Variants in PREX2 observed in about 807,000 individuals in gnomAD.
PREX2 encodes phosphatidylinositol 3,4,5-trisphosphate-dependent Rac exchanger 2 protein.
A neutral mutation model predicts 203.2 loss-of-function variants in PREX2; 107 were observed. The observed-to-expected ratio is 0.53, with a 90% CI of 0.45 to 0.62. The LOEUF is 0.62. Among genes scored for constraint, PREX2 ranks in the 20% least tolerant of loss-of-function variants. The pLI is 0.00. For missense variants in PREX2, 1,777 were observed against 1,955.9 expected (o/e 0.91, Z 1.72); for synonymous variants, 672 against 663.6 (o/e 1.01, Z -0.19).
chr8:68,119,450 G>A lies in PREX2; in HGVS notation c.3440G>A (p.Ser1147Asn), dbSNP rs755543355. 1.9e-6 allele frequency: 3 copies of A among 1,613,558 alleles called. No individual in the cohort carries two copies. Among genetic ancestry groups the A allele is most frequent in the East Asian group, 2.2e-5 (1 of 44,862 alleles). ...CATCTAGGTGATGAACTTCCCTTAA[G>A]TGTTCGCATATCTCATGATAAACAG... is the stretch of plus-strand genomic sequence containing the variant. ...EMDSGDELPL[S>N]VRISHDKQDK... The change falls in exon 28 of 40, where the codon AGT becomes AAT. Residue 1147 changes from serine (S) to asparagine (N), a missense_variant. Ser to Asn is a conservative substitution (Grantham distance 46). Coordinates refer to ENST00000288368, the MANE Select transcript of PREX2 (RefSeq NM_024870.4).
chr8:68,006,738 C>T (rs950110775), intron 1 of PREX2, among the ~76,000 whole-genome samples: 2 of 152,210 alleles, frequency 1.3e-5, no homozygotes, highest in Admixed American at 6.5e-5. Context: ...CACACCCAGC[C>T]TAGGACAGTT....
chr8:68,101,992 A>G (rs753857932), intron 23 of PREX2, among the ~76,000 whole-genome samples: 4 of 152,338 alleles, frequency 2.6e-5, no homozygotes, highest in East Asian at 1.9e-4. Flanking sequence ...GAGATCCTCA[A>G]TAGTCACCTT....
At position 68,232,533 on chromosome 8, in the gene PREX2, C is replaced by G. The variant is rs1221244701; in HGVS notation, c.*1155C>G. 6.6e-6 allele frequency: 1 copy of G among 152,080 alleles called. No individual in the cohort carries two copies. Among genetic ancestry groups the G allele is most frequent in the Non-Finnish European group, 1.5e-5 (1 of 68,026 alleles). The allele number at this position is 152,080 out of a possible 1,614,324, so 9.4% of individuals were successfully genotyped here. On this transcript the variant is annotated 3_prime_UTR_variant, in exon 40 of 40. Coordinates refer to ENST00000288368, the MANE Select transcript of PREX2 (RefSeq NM_024870.4). ...AAATCCATAATTTTCAAACAAAACA[C>G]TCATGATTGTGATAATTATATGGGT...
intron 23 of PREX2, among the ~76,000 whole-genome samples, chr8:68,101,237 A>G (rs549905389): frequency 7.6e-4 from 116 of 152,294 alleles, no homozygotes; most frequent in South Asian, 2.7e-3. Context: ...CTGCATGAGA[A>G]TAGGGATGTG....
At chr8:67,968,288 TC>T (rs1441104066) in intron 1 of PREX2, among the ~76,000 whole-genome samples, 1 of 152,110 alleles carries the variant, frequency 6.6e-6, no homozygotes, top group African/African-American at 2.4e-5. Context: ...CTCCTTAGCA[TC>T]CTGGAACGTC....
At chr8:68,151,188 A>G (rs868259674) in intron 34 of PREX2, among the ~76,000 whole-genome samples, 3 of 152,160 alleles carry the variant, frequency 2.0e-5, no homozygotes, top group African/African-American at 4.8e-5. Flanking sequence ...TCTGAGGCCA[A>G]GATGGAAGGA....
chr8:68,095,985 G>A (rs1431895120), intron 21 of PREX2, among the ~76,000 whole-genome samples: 2 of 152,080 alleles, frequency 1.3e-5, no homozygotes, highest in Non-Finnish European at 2.9e-5. Flanking sequence ...GATCGTATGG[G>A]GGGTACTTAG....
intron 31 of PREX2, among the ~76,000 whole-genome samples, chr8:68,128,539 T>C (rs1295562355): frequency 6.6e-6 from 1 of 152,138 alleles, no homozygotes; most frequent in African/African-American, 2.4e-5. Flanking sequence ...ACAGGTGATC[T>C]AGGGTGGCCT....
intron 34 of PREX2, 55 bp downstream of exon 34, chr8:68,146,407 A>G (rs1366298296): frequency 7.3e-7 from 1 of 1,378,006 alleles, no homozygotes; most frequent in South Asian, 1.4e-5. Context: ...ATCTTTATTA[A>G]TGCTTTTATA....
At chr8:68,208,359 G>C (rs372718056) in intron 37 of PREX2, among the ~76,000 whole-genome samples, 2 of 151,590 alleles carry the variant, frequency 1.3e-5, no homozygotes, top group East Asian at 3.9e-4. Context: ...CATAAATCAC[G>C]AAACAAAGAT....
At chr8:68,181,974 C>T (rs1038506346) in intron 35 of PREX2, among the ~76,000 whole-genome samples, 3 of 151,876 alleles carry the variant, frequency 2.0e-5, no homozygotes, top group African/African-American at 7.3e-5. Context: ...AAGGGATGTG[C>T]CAGGTGCTGG....
chr8:68,190,265 C>A (rs1351255924), intron 35 of PREX2, among the ~76,000 whole-genome samples: 2 of 151,930 alleles, frequency 1.3e-5, no homozygotes, highest in East Asian at 3.9e-4. Context: ...TTATTTTGTT[C>A]CACCGACATT....
At chr8:68,216,467 T>C (rs915030369) in intron 37 of PREX2, among the ~76,000 whole-genome samples, 1 of 152,190 alleles carries the variant, frequency 6.6e-6, no homozygotes, top group African/African-American at 2.4e-5. Context: ...AATCCATTAA[T>C]ACAATTTTAG....
In PREX2 at chr8:68,014,915, G is replaced by C. The variant is rs756842876; in HGVS notation, c.142-2931G>C. Among the ~76,000 whole-genome samples, 52 of 152,118 alleles carry C rather than the reference G, an allele frequency of 3.4e-4. 1 individual carries two copies. The highest frequency in any genetic ancestry group is 4.6e-4 in the Admixed American group (7 of 15,276). On this transcript the variant is annotated intron_variant, in intron 1 of 39. Transcript: ENST00000288368. The stretch of plus-strand genomic sequence containing the variant: ...CCTCTGGGGATAGGAATCTGCATTT[G>C]GAAGTAACTCTCCAAGTCTTAAACA...
intron 24 of PREX2, chr8:68,109,058 G>A (rs1810478553): frequency 2.3e-6 from 1 of 444,180 alleles, no homozygotes; most frequent in Non-Finnish European, 4.4e-6. Flanking sequence ...GTTGGGTGGG[G>A]GATTGAGAAG....
At chr8:68,153,360 A>G (rs1275001656) in intron 34 of PREX2, among the ~76,000 whole-genome samples, 1 of 152,206 alleles carries the variant, frequency 6.6e-6, no homozygotes, top group Non-Finnish European at 1.5e-5. Context: ...AGTAAGTGGA[A>G]ATGTAGCCCG....
rs983298620 is a variant in PREX2, at chr8:68,233,458, G to A, written c.*2080G>A. 6.6e-6 allele frequency: 1 copy of A among 152,098 alleles called. No homozygotes were observed. The highest frequency in any genetic ancestry group is 2.4e-5 in the African/African-American group (1 of 41,418). The allele number at this position is 152,098 out of a possible 1,614,324, so 9.4% of individuals were successfully genotyped here. A position where few individuals can be genotyped will look rare whatever the true frequency, so the allele number is the denominator to read the frequency against. ...ATCTACTTTCTTCATAATAGAATGTGCTTCATATTATTTTTAGGGTTAAAC... is the reference window on the plus strand; with the variant it reads ...ATCTACTTTCTTCATAATAGAATGTACTTCATATTATTTTTAGGGTTAAAC... On this transcript the variant is annotated 3_prime_UTR_variant, in exon 40 of 40. Coordinates refer to ENST00000288368, the MANE Select transcript of PREX2 (RefSeq NM_024870.4).
intron 1 of PREX2, among the ~76,000 whole-genome samples, chr8:67,979,004 A>T (rs1047337963): frequency 6.6e-6 from 1 of 152,242 alleles, no homozygotes; most frequent in African/African-American, 2.4e-5. Context: ...TGTCCTTTCA[A>T]TTAGACATTC....
intron 1 of PREX2, among the ~76,000 whole-genome samples, chr8:67,956,239 A>C (rs1403637213): frequency 6.6e-6 from 1 of 152,238 alleles, no homozygotes; most frequent in Middle Eastern, 3.2e-3. Flanking sequence ...GGACAATAGT[A>C]AGTTACAACC....
Sources: gnomAD v4.1 joint callset for allele counts (sites outside exome capture counted in the v4.1 genomes callset) on GRCh38, gnomAD v4.1.1 for gene constraint, MANE v1.5 for transcripts, NCBI Gene and HGNC (gene_info 2026-07-23, HGNC 2026-07-21) for gene names.